Variants in ARPC2 observed in about 807,000 individuals in gnomAD.
ARPC2 encodes the protein actin-related protein 2/3 complex subunit 2.
ARPC2 carries 4 observed loss-of-function variants against 38.6 expected under a neutral mutation model. That is an observed-to-expected ratio of 0.10 (90% CI 0.05 to 0.24). The LOEUF (loss-of-function observed/expected upper bound fraction) is 0.24, where lower values mean the gene tolerates loss of function less well. Among genes scored for constraint, ARPC2 ranks in the 10% least tolerant of loss-of-function variants. The probability of loss-of-function intolerance (pLI) is 1.00; values close to 1 mark genes in which losing one functional copy is unlikely to be tolerated. For synonymous variants in ARPC2, 125 were observed against 140.8 expected, an observed-to-expected ratio of 0.89 and a Z score of 0.79; for missense variants, 229 against 387.3, an observed-to-expected ratio of 0.59 and a Z score of 3.43.
chr2:218,245,859 A>G (rs1389761930), intron 8 of ARPC2, among the ~76,000 whole-genome samples: 1 of 152,194 alleles, frequency 6.6e-6, no homozygotes, highest in Admixed American at 6.5e-5. Flanking sequence ...GCAGAGGACT[A>G]TAGCTACTTC....
chr2:218,251,548 G>A lies in ARPC2; in HGVS notation c.878+1627G>A, dbSNP rs141338666. ...ATCCCCAGCCAGGCTCAACCTCCTG[G>A]GCTCAAGCAATCCTCCCATCTCAGC... On this transcript the variant is annotated intron_variant, in intron 10 of 10. Transcript: ENST00000315717. Among the ~76,000 whole-genome samples, 6 of 152,134 alleles carry A rather than the reference G, an allele frequency of 3.9e-5. No homozygotes were observed. The East Asian group carries it at 1.2e-3, about 29-fold the overall frequency.
At chr2:218,219,332 G>A (rs1443352260) in intron 2 of ARPC2, among the ~76,000 whole-genome samples, 2 of 151,832 alleles carry the variant, frequency 1.3e-5, no homozygotes, top group Non-Finnish European at 2.9e-5. Context: ...CCTCAAGTCT[G>A]GAAGACATAA....
intron 7 of ARPC2, among the ~76,000 whole-genome samples, chr2:218,245,052 T>G (rs1689998022): frequency 6.6e-6 from 1 of 152,198 alleles, no homozygotes; most frequent in Non-Finnish European, 1.5e-5. Flanking sequence ...CTCTAAAGAT[T>G]TTATTGATGA....
At chr2:218,238,234 T>C (rs1689819365) in intron 5 of ARPC2, among the ~76,000 whole-genome samples, 1 of 152,200 alleles carries the variant, frequency 6.6e-6, no homozygotes, top group Non-Finnish European at 1.5e-5. Flanking sequence ...GCCATACTGA[T>C]ACTTGGCACA....
chr2:218,228,522 T>TCTTGC, intron 3 of ARPC2, among the ~76,000 whole-genome samples: 1 of 152,320 alleles, frequency 6.6e-6, no homozygotes, highest in East Asian at 1.9e-4. Flanking sequence ...AAGGAAAGAA[T>TCTTGC]AGCTTTGTAA....
intron 7 of ARPC2, 109 bp downstream of exon 7, chr2:218,239,593 ATTT>A (rs34974153): frequency 2.2e-3 from 1,387 of 621,094 alleles, no homozygotes; most frequent in South Asian, 4.2e-3. Flanking sequence ...TGATGTTAGA[ATTT>A]TTTTTTTTTT....
chr2:218,218,197 C>G (rs1271807167), intron 2 of ARPC2, among the ~76,000 whole-genome samples: 1 of 152,192 alleles, frequency 6.6e-6, no homozygotes, highest in African/African-American at 2.4e-5. Context: ...ACACCCCTTC[C>G]TTATCTCTCC....
chr2:218,252,668 A>G (rs1690220426), intron 10 of ARPC2, among the ~76,000 whole-genome samples: 1 of 152,200 alleles, frequency 6.6e-6, no homozygotes, highest in African/African-American at 2.4e-5. Context: ...AAGGCTGGGC[A>G]TCATAATAGT....
intron 8 of ARPC2, among the ~76,000 whole-genome samples, chr2:218,247,885 A>G (rs907832586): frequency 2.0e-5 from 3 of 151,818 alleles, no homozygotes; most frequent in Admixed American, 6.6e-5. Flanking sequence ...GGAGCTTGCA[A>G]TAGGCCAAGA....
chr2:218,233,689 C>T (rs1288133228), intron 4 of ARPC2: 1 of 151,208 alleles, frequency 6.6e-6, no homozygotes, highest in Non-Finnish European at 1.5e-5. Context: ...TCTCTTTATT[C>T]ACCTGGGTTA....
chr2:218,239,540 C>A, intron 7 of ARPC2, 56 bp downstream of exon 7: 1 of 1,370,250 alleles, frequency 7.3e-7, no homozygotes, highest in African/African-American at 1.4e-5. Flanking sequence ...ACCTTTGCAC[C>A]CAAACATACC....
chr2:218,239,319 C>A, intron 6 of ARPC2, 72 bp from the exon 7 acceptor site: 1 of 1,074,662 alleles, frequency 9.3e-7, no homozygotes, highest in Non-Finnish European at 1.4e-6. Flanking sequence ...TTCTGATGTA[C>A]TTGTAGATCA....
chr2:218,249,309 A>G, intron 8 of ARPC2, 55 bp from the exon 9 acceptor site: 1 of 1,288,130 alleles, frequency 7.8e-7, no homozygotes. Flanking sequence ...GTTCTTCCCC[A>G]CCCTTTGGCA....
intron 2 of ARPC2, among the ~76,000 whole-genome samples, chr2:218,218,418 A>G (rs1281014654): frequency 6.6e-6 from 1 of 152,260 alleles, no homozygotes; most frequent in African/African-American, 2.4e-5. Flanking sequence ...TTTCCAAGGC[A>G]GCCTCTCTGC....
At position 218,243,839 on chromosome 2, in the gene ARPC2, A is replaced by G. The variant is rs540727777; in HGVS notation, c.550-1581A>G. ...TCGTTGACCGAGCCTTAAATATGTT[A>G]TTTTCCATATACAAAACTAATGAGT... On this transcript the variant is annotated intron_variant, in intron 7 of 10. Transcript: ENST00000315717. Among the ~76,000 whole-genome samples the G allele has an allele frequency of 2.1e-4, 32 of 152,322 alleles. 1 individual carries two copies. The highest frequency in any genetic ancestry group is 7.2e-4 in the African/African-American group (30 of 41,578).
At chr2:218,253,381 G>A (rs1690240828) in intron 10 of ARPC2, among the ~76,000 whole-genome samples, 1 of 152,202 alleles carries the variant, frequency 6.6e-6, no homozygotes, top group Non-Finnish European at 1.5e-5. Flanking sequence ...ATAAGCCAGA[G>A]GAGGAGTCAC....
At chr2:218,238,496 AGT>A (rs1341625049) in intron 5 of ARPC2, among the ~76,000 whole-genome samples, 166 bp from the exon 6 acceptor site, 27 of 152,220 alleles carry the variant, frequency 1.8e-4, no homozygotes, top group African/African-American at 5.8e-4. Context: ...CCAGGTTAAA[AGT>A]ACAGATAATG....
chr2:218,230,276 CTTTTTTTTTTCTTTTTTT>C (rs1689600638), intron 4 of ARPC2, among the ~76,000 whole-genome samples: 1 of 112,446 alleles, frequency 8.9e-6, no homozygotes, highest in Non-Finnish European at 1.9e-5. Context: ...CCAGCCTTTT[CTTTTTTTTTTCTTTTTTT>C]TTTTTTTTTT....
At chr2:218,234,887 A>G (rs1239921967) in intron 5 of ARPC2, 5 of 456,668 alleles carry the variant, frequency 1.1e-5, no homozygotes, top group Non-Finnish European at 1.8e-5. Flanking sequence ...GGCCAGAGGA[A>G]TTGAAAGGCA....
Sources: gnomAD v4.1 joint callset for allele counts (sites outside exome capture counted in the v4.1 genomes callset) on GRCh38, gnomAD v4.1.1 for gene constraint, MANE v1.5 for transcripts, NCBI Gene and HGNC (gene_info 2026-07-23, HGNC 2026-07-21) for gene names.